Variants in GRM7 observed in about 807,000 individuals in gnomAD.
GRM7 encodes the protein metabotropic glutamate receptor 7.
A neutral mutation model predicts 84.5 loss-of-function variants in GRM7; 35 were observed. The observed-to-expected ratio is 0.41, with a 90% CI of 0.32 to 0.55. GRM7 has a LOEUF of 0.55. Ranked by LOEUF, GRM7 falls within the 20% of genes least tolerant of loss-of-function variation. GRM7 has a pLI of 0.19. For missense variants in GRM7, 1,003 were observed against 1,194.6 expected (o/e 0.84, Z 2.36); for synonymous variants, 487 against 455.1 (o/e 1.07, Z -0.89).
At chr3:7,557,103 C>G (rs1361747159) in intron 7 of GRM7, among the ~76,000 whole-genome samples, 1 of 152,240 alleles carries the variant, frequency 6.6e-6, no homozygotes, top group East Asian at 1.9e-4. Flanking sequence ...GGAAAGACTG[C>G]TGTGTCTGGA....
intron 2 of GRM7, among the ~76,000 whole-genome samples, chr3:7,229,749 A>T (rs1448956747): frequency 2.1e-4 from 7 of 33,592 alleles, no homozygotes; most frequent in Middle Eastern, 0.017. Context: ...ATATATATAT[A>T]TATATATATA....
chr3:7,671,099 C>A (rs1367399876), intron 8 of GRM7, among the ~76,000 whole-genome samples: 1 of 152,064 alleles, frequency 6.6e-6, no homozygotes, highest in African/African-American at 2.4e-5. Flanking sequence ...AAAATTCCTA[C>A]CTTGCAATTG....
chr3:7,226,017 T>G (rs1696970144), intron 2 of GRM7, among the ~76,000 whole-genome samples: 1 of 152,216 alleles, frequency 6.6e-6, no homozygotes, highest in South Asian at 2.1e-4. Flanking sequence ...AAGGGAGTAT[T>G]CACAATTCTG....
intron 8 of GRM7, among the ~76,000 whole-genome samples, chr3:7,604,895 T>G (rs1696489316): frequency 2.0e-5 from 3 of 152,208 alleles, no homozygotes; most frequent in Admixed American, 6.5e-5. Flanking sequence ...CAAATTGTTT[T>G]ATGAATTATC....
intron 2 of GRM7, among the ~76,000 whole-genome samples, chr3:7,192,573 C>T (rs139659672): frequency 6.6e-6 from 1 of 152,062 alleles, no homozygotes; most frequent in African/African-American, 2.4e-5. Flanking sequence ...CTTCCAGCTT[C>T]TGAGGAAGAA....
intron 1 of GRM7, among the ~76,000 whole-genome samples, chr3:6,927,471 AAGAAAG>A (rs1166455046): frequency 1.7e-5 from 1 of 60,016 alleles, no homozygotes; most frequent in Non-Finnish European, 4.4e-5. Context: ...GAGAGAAAGA[AAGAAAG>A]AAAGAAAGAA....
chr3:7,404,365 T>C (rs1487485556), intron 4 of GRM7, among the ~76,000 whole-genome samples: 1 of 152,140 alleles, frequency 6.6e-6, no homozygotes, highest in Non-Finnish European at 1.5e-5. Context: ...TTCTTGGTGA[T>C]TGGTTTAGAT....
intron 1 of GRM7, among the ~76,000 whole-genome samples, chr3:7,115,392 G>T (rs1457364284): frequency 6.6e-6 from 1 of 152,072 alleles, no homozygotes; most frequent in Non-Finnish European, 1.5e-5. Context: ...AAAAATCCTA[G>T]GTGCTCTGAG....
rs185948313 is a variant in GRM7, at chr3:7,087,475, T to A, written c.520-58977T>A. The stretch of plus-strand genomic sequence containing the variant: ...AGGTGATAGCTAGGGAAAAGACAAG[T>A]TTATTTGCAGCTGAAAGAAAATAAC... On this transcript the variant is annotated intron_variant, in intron 1 of 9. Transcript: ENST00000357716. Among the ~76,000 whole-genome samples the A allele has an allele frequency of 2.9e-4, 44 of 152,082 alleles. No individual in the cohort carries two copies. In the East Asian group the frequency reaches 8.1e-3, roughly 28 times the overall value.
At chr3:7,664,015 A>C (rs1699573560) in intron 8 of GRM7, among the ~76,000 whole-genome samples, 1 of 152,236 alleles carries the variant, frequency 6.6e-6, no homozygotes, top group African/African-American at 2.4e-5. Context: ...TAATGCGTGC[A>C]AAGCCTGTGC....
intron 8 of GRM7, among the ~76,000 whole-genome samples, chr3:7,619,428 T>G (rs1406626664): frequency 6.6e-6 from 1 of 151,490 alleles, no homozygotes; most frequent in Admixed American, 6.6e-5. Context: ...AGGTCAGCCT[T>G]GGCATAGAAG....
intron 7 of GRM7, among the ~76,000 whole-genome samples, chr3:7,544,581 C>T (rs1693047786): frequency 6.6e-6 from 1 of 152,098 alleles, no homozygotes; most frequent in Non-Finnish European, 1.5e-5. Context: ...GCTGATATTC[C>T]AAGAATCCCT....
chr3:6,869,922 A>G (rs765436580), intron 1 of GRM7, among the ~76,000 whole-genome samples: 2 of 152,130 alleles, frequency 1.3e-5, no homozygotes, highest in African/African-American at 2.4e-5. Flanking sequence ...TTTTTCCTAG[A>G]AATACTTATT....
intron 1 of GRM7, among the ~76,000 whole-genome samples, chr3:7,121,410 T>TA (rs141518672): frequency 0.049 from 7,436 of 152,074 alleles, 606 homozygotes; most frequent in African/African-American, 0.17. Flanking sequence ...GCGTTGTGTT[T>TA]ATGGTACTTT....
At chr3:7,229,289 C>T (rs1216077665) in intron 2 of GRM7, among the ~76,000 whole-genome samples, 1 of 152,046 alleles carries the variant, frequency 6.6e-6, no homozygotes, top group African/African-American at 2.4e-5. Context: ...ACTTTTTGAG[C>T]ATTTACCATT....
At chr3:7,064,479 T>TATATGTATATATATATATATATAC in intron 1 of GRM7, among the ~76,000 whole-genome samples, 3 of 99,382 alleles carry the variant, frequency 3.0e-5, no homozygotes, top group African/African-American at 1.2e-4. Context: ...TATATATATA[T>TATATGTATATATATATATATATAC]ACACACATAT....
At chr3:7,608,357 C>G (rs181612259) in intron 8 of GRM7, among the ~76,000 whole-genome samples, 2 of 152,270 alleles carry the variant, frequency 1.3e-5, no homozygotes, top group Non-Finnish European at 2.9e-5. Context: ...TATAAGCATT[C>G]CTTTATTCCT....
intron 2 of GRM7, among the ~76,000 whole-genome samples, chr3:7,266,236 C>T (rs372672349): frequency 7.9e-5 from 12 of 152,144 alleles, no homozygotes; most frequent in Non-Finnish European, 1.2e-4. Flanking sequence ...CAAGCCAGTG[C>T]TATTAAAACC....
intron 5 of GRM7, among the ~76,000 whole-genome samples, chr3:7,430,324 T>C (rs957240520): frequency 2.0e-5 from 3 of 152,148 alleles, no homozygotes; most frequent in Admixed American, 2.0e-4. Flanking sequence ...TCTAAGATGT[T>C]TGGCAAGGAG....
Sources: gnomAD v4.1 joint callset for allele counts (sites outside exome capture counted in the v4.1 genomes callset) on GRCh38, gnomAD v4.1.1 for gene constraint, MANE v1.5 for transcripts, NCBI Gene and HGNC (gene_info 2026-07-23, HGNC 2026-07-21) for gene names.